Variants in ADGRL3 observed in about 807,000 individuals in gnomAD.
ADGRL3 encodes calcium-independent alpha-latrotoxin receptor 3.
Under a neutral mutation model 153.5 loss-of-function variants are expected in ADGRL3, and 62 were observed. The observed-to-expected ratio is 0.40, with a 90% confidence interval of 0.33 to 0.50. ADGRL3 has a LOEUF of 0.50. ADGRL3 is among the 20% of genes least tolerant of loss of function. The pLI, the probability that ADGRL3 is intolerant of heterozygous loss-of-function variation, is 0.47. For synonymous variants in ADGRL3, 710 were observed against 672.5 expected, an observed-to-expected ratio of 1.06 and a Z score of -0.86; for missense variants, 1,641 against 1,859.4, an observed-to-expected ratio of 0.88 and a Z score of 2.16.
intron 1 of ADGRL3, among the ~76,000 whole-genome samples, chr4:61,319,415 T>C (rs867224297): frequency 6.6e-6 from 1 of 152,140 alleles, no homozygotes. Flanking sequence ...CCTGAGAACA[T>C]TTATATGTTT....
intron 6 of ADGRL3, among the ~76,000 whole-genome samples, chr4:61,687,748 A>G (rs2095472354): frequency 6.6e-6 from 1 of 152,040 alleles, no homozygotes; most frequent in South Asian, 2.1e-4. Flanking sequence ...ATGAATATAC[A>G]TGTTAGATTA....
chr4:61,375,763 G>A (rs548481136), intron 1 of ADGRL3, among the ~76,000 whole-genome samples: 1 of 152,130 alleles, frequency 6.6e-6, no homozygotes, highest in South Asian at 2.1e-4. Context: ...GGGTCTATAT[G>A]TTCTCTTTGT....
intron 9 of ADGRL3, among the ~76,000 whole-genome samples, chr4:61,839,081 T>C (rs916951577): frequency 2.0e-5 from 3 of 152,176 alleles, no homozygotes; most frequent in Non-Finnish European, 4.4e-5. Context: ...GAGCGTGTAC[T>C]GGAGTATTTA....
intron 1 of ADGRL3, among the ~76,000 whole-genome samples, chr4:61,366,967 CTCTT>C (rs2096409266): frequency 6.6e-6 from 1 of 152,046 alleles, no homozygotes; most frequent in Non-Finnish European, 1.5e-5. Context: ...TTTACTGTGG[CTCTT>C]TCTTTGTTTA....
intron 2 of ADGRL3, among the ~76,000 whole-genome samples, chr4:61,397,510 G>C (rs1578635350): frequency 6.6e-6 from 1 of 151,894 alleles, no homozygotes; most frequent in Admixed American, 6.6e-5. Context: ...ATTGCCTAGA[G>C]AGTTATGAGT....
intron 9 of ADGRL3, among the ~76,000 whole-genome samples, chr4:61,824,159 T>A (rs1199573093): frequency 6.6e-6 from 1 of 152,228 alleles, no homozygotes; most frequent in East Asian, 1.9e-4. Flanking sequence ...TTCATCATCT[T>A]ATTTATTCAT....
At chr4:61,635,127 T>C (rs2093359867) in intron 5 of ADGRL3, among the ~76,000 whole-genome samples, 1 of 151,972 alleles carries the variant, frequency 6.6e-6, no homozygotes, top group African/African-American at 2.4e-5. Context: ...GCAGAGACAG[T>C]TTACCTCAGG....
intron 4 of ADGRL3, among the ~76,000 whole-genome samples, chr4:61,570,063 G>A (rs1028312479): frequency 2.0e-5 from 3 of 151,928 alleles, no homozygotes; most frequent in African/African-American, 7.3e-5. Context: ...AAGTTTTGTT[G>A]GCAATGTTTT....
intron 12 of ADGRL3, among the ~76,000 whole-genome samples, chr4:61,912,466 T>A (rs1458232025): frequency 6.6e-6 from 1 of 152,178 alleles, no homozygotes. Context: ...TATTCAAAGA[T>A]TTCTTGCTAT....
intron 4 of ADGRL3, among the ~76,000 whole-genome samples, chr4:61,553,611 A>G (rs557503219): frequency 2.0e-5 from 3 of 152,230 alleles, no homozygotes; most frequent in Non-Finnish European, 2.9e-5. Flanking sequence ...CAATATAATA[A>G]GAGAAATAAG....
At chr4:61,650,539 A>C (rs77954922) in intron 5 of ADGRL3, among the ~76,000 whole-genome samples, 1 of 152,186 alleles carries the variant, frequency 6.6e-6, no homozygotes, top group East Asian at 1.9e-4. Flanking sequence ...ACTTTTACTC[A>C]CAGTATTGAA....
intron 5 of ADGRL3, among the ~76,000 whole-genome samples, chr4:61,669,720 A>C (rs1350257310): frequency 2.0e-5 from 3 of 152,292 alleles, no homozygotes; most frequent in South Asian, 4.1e-4. Context: ...AATATTATTT[A>C]ATAAGTGCTA....
At chr4:61,428,998 G>T (rs1195299512) in intron 2 of ADGRL3, among the ~76,000 whole-genome samples, 2 of 151,544 alleles carry the variant, frequency 1.3e-5, no homozygotes, top group Admixed American at 6.6e-5. Context: ...ATGAAAAAAA[G>T]CATTTTTCAT....
chr4:61,736,042 T>C (rs1321329134), intron 8 of ADGRL3, among the ~76,000 whole-genome samples: 1 of 152,108 alleles, frequency 6.6e-6, no homozygotes, highest in Non-Finnish European at 1.5e-5. Flanking sequence ...CATATATGAC[T>C]ATATGCTTTT....
intron 1 of ADGRL3, among the ~76,000 whole-genome samples, chr4:61,358,808 C>T (rs1016570335): frequency 2.0e-5 from 3 of 151,972 alleles, no homozygotes; most frequent in Non-Finnish European, 4.4e-5. Context: ...ATATTCACTT[C>T]CTTGGTAGTC....
At chr4:61,401,274 TA>T (rs1413298262) in intron 2 of ADGRL3, among the ~76,000 whole-genome samples, 1 of 151,886 alleles carries the variant, frequency 6.6e-6, no homozygotes, top group Admixed American at 6.6e-5. Flanking sequence ...CTGGATCTAT[TA>T]AAAAGAGTGT....
chr4:62,033,697 G>T (rs191613466), intron 23 of ADGRL3, among the ~76,000 whole-genome samples: 1 of 151,830 alleles, frequency 6.6e-6, no homozygotes, highest in Non-Finnish European at 1.5e-5. Flanking sequence ...AATATATTAG[G>T]TCATTATGAT....
intron 21 of ADGRL3, among the ~76,000 whole-genome samples, 178 bp downstream of exon 21, chr4:61,998,443 A>T (rs1236062459): frequency 6.6e-6 from 1 of 152,188 alleles, no homozygotes; most frequent in African/African-American, 2.4e-5. Flanking sequence ...AATAAGTATA[A>T]TAGAGTTCTG....
Position 61,519,335 on chromosome 4 carries a change from A to G in ADGRL3, c.259+1817A>G, listed in dbSNP as rs113400892. Among the ~76,000 whole-genome samples, 114 of 152,284 alleles carry G rather than the reference A, an allele frequency of 7.5e-4. 1 individual carries two copies. The highest frequency in any genetic ancestry group is 3.4e-3 in the Middle Eastern group (1 of 294). ...GGTTTTAAGTCACATTTTTAAATCA[A>G]TTTACAAATAGAAAAGCTGTATTAT... On this transcript the variant is annotated intron_variant, in intron 4 of 26. Transcript: ENST00000683033.
Sources: gnomAD v4.1 joint callset for allele counts (sites outside exome capture counted in the v4.1 genomes callset) on GRCh38, gnomAD v4.1.1 for gene constraint, MANE v1.5 for transcripts, NCBI Gene and HGNC (gene_info 2026-07-23, HGNC 2026-07-21) for gene names.